NPAS3: variants seen among roughly 807,000 people sequenced by gnomAD.
NPAS3 encodes the protein neuronal PAS domain protein 3.
A neutral mutation model predicts 73.1 loss-of-function variants in NPAS3; 14 were observed. The observed-to-expected ratio is 0.19, with a 90% confidence interval of 0.13 to 0.30. The LOEUF is 0.30. Among genes scored for constraint, NPAS3 ranks in the 10% least tolerant of loss-of-function variants. The pLI is 1.00. For missense variants in NPAS3, 1,096 were observed against 1,250.0 expected (o/e 0.88, Z 1.86); for synonymous variants, 620 against 541.5 (o/e 1.14, Z -2.01).
At chr14:33,693,817 G>A (rs934230458) in intron 6 of NPAS3, among the ~76,000 whole-genome samples, 11 of 152,170 alleles carry the variant, frequency 7.2e-5, no homozygotes, top group Non-Finnish European at 1.5e-4. Context: ...AATTCAAAGT[G>A]AATAACAAAC....
intron 5 of NPAS3, among the ~76,000 whole-genome samples, chr14:33,635,727 C>A (rs185927828): frequency 4.9e-4 from 74 of 152,254 alleles, no homozygotes; most frequent in Non-Finnish European, 8.5e-4. Context: ...CAGAAGCCCA[C>A]CTTCCCTGGA....
At chr14:33,664,177 A>G (rs1262407406) in intron 5 of NPAS3, among the ~76,000 whole-genome samples, 1 of 152,210 alleles carries the variant, frequency 6.6e-6, no homozygotes, top group Non-Finnish European at 1.5e-5. Flanking sequence ...AGATATACAG[A>G]CCACTGGAAC....
rs140149297 is a variant in NPAS3, at chr14:33,226,816, G to A, written c.385+11390G>A. On this transcript the variant is annotated intron_variant, in intron 3 of 11. Transcript: ENST00000356141. ...ATTTCAGTAATGTTTTGTAATTAAA[G>A]CATATTATTTACGTATAATTTTACA... 4.9e-4 allele frequency among the ~76,000 whole-genome samples: 74 copies of A among 152,234 alleles called. No homozygotes were observed. The East Asian group carries it at 0.011, about 23-fold the overall frequency.
chr14:33,177,071 T>TTTTTTTTTA (rs1174345534), intron 2 of NPAS3, among the ~76,000 whole-genome samples: 1 of 138,336 alleles, frequency 7.2e-6, no homozygotes, highest in South Asian at 2.3e-4. Context: ...TGTTTATCTT[T>TTTTTTTTTA]TTATTATTAT....
At chr14:33,201,427 A>G (rs976438264) in intron 2 of NPAS3, among the ~76,000 whole-genome samples, 8 of 152,122 alleles carry the variant, frequency 5.3e-5, no homozygotes, top group African/African-American at 1.7e-4. Flanking sequence ...GCTGTTGAGA[A>G]TCACTGCCGT....
At chr14:33,116,515 T>A (rs1246476193) in intron 2 of NPAS3, among the ~76,000 whole-genome samples, 2 of 152,162 alleles carry the variant, frequency 1.3e-5, no homozygotes, top group Admixed American at 6.6e-5. Flanking sequence ...AAATAACTTA[T>A]AAGACATTAC....
intron 1 of NPAS3, among the ~76,000 whole-genome samples, chr14:32,981,455 T>C (rs1402503335): frequency 6.6e-6 from 1 of 152,234 alleles, no homozygotes; most frequent in Non-Finnish European, 1.5e-5. Context: ...GGTAGCCATT[T>C]AATTATTTTT....
intron 3 of NPAS3, among the ~76,000 whole-genome samples, chr14:33,350,808 T>C (rs1474975553): frequency 2.6e-5 from 4 of 152,220 alleles, no homozygotes; most frequent in African/African-American, 4.8e-5. Context: ...AAGTAATCCG[T>C]ACATACTCAT....
In NPAS3 at chr14:33,521,492, A is replaced by G. The variant is rs539298029; in HGVS notation, c.469-38629A>G. ...AGCGATAGGCTTGATAGAAGTGATG[A>G]TTTGGAGAGATGATCTGCTTTAAAA... On this transcript the variant is annotated intron_variant, in intron 4 of 11. Coordinates refer to ENST00000356141, the Ensembl canonical transcript of NPAS3. Among the ~76,000 whole-genome samples, 9 of 140,606 alleles carry G rather than the reference A, an allele frequency of 6.4e-5. No homozygotes were observed. The East Asian group carries it at 2.1e-3, about 33-fold the overall frequency. The allele number at this position is 140,606 out of a possible 152,430, so 92.2% of individuals were successfully genotyped here.
chr14:33,599,058 A>G (rs1341694655), intron 5 of NPAS3, among the ~76,000 whole-genome samples: 1 of 152,198 alleles, frequency 6.6e-6, no homozygotes, highest in Non-Finnish European at 1.5e-5. Flanking sequence ...GTCTCTTATT[A>G]GGCACATGTT....
intron 2 of NPAS3, among the ~76,000 whole-genome samples, chr14:33,111,871 A>G (rs866797791): frequency 1.6e-5 from 2 of 124,846 alleles, no homozygotes; most frequent in East Asian, 4.9e-4. Context: ...TCCTGTGTCC[A>G]TGTGTTCTCA....
intron 5 of NPAS3, among the ~76,000 whole-genome samples, chr14:33,605,169 T>C (rs1399407461): frequency 6.6e-6 from 1 of 151,984 alleles, no homozygotes; most frequent in East Asian, 1.9e-4. Context: ...ATAAAAACTT[T>C]CAGCTAAGTA....
chr14:33,420,291 G>T (rs1412949249), intron 4 of NPAS3, among the ~76,000 whole-genome samples: 1 of 151,902 alleles, frequency 6.6e-6, no homozygotes, highest in Non-Finnish European at 1.5e-5. Context: ...GTGTAGTATT[G>T]CATTTATGCA....
intron 1 of NPAS3, among the ~76,000 whole-genome samples, chr14:32,953,567 C>A (rs183378928): frequency 1.6e-3 from 240 of 152,198 alleles, no homozygotes; most frequent in Middle Eastern, 6.8e-3. Flanking sequence ...TCTGTTTTCC[C>A]TAAAGATCTA....
chr14:33,380,985 A>C (rs879590415), intron 4 of NPAS3, among the ~76,000 whole-genome samples: 7 of 152,310 alleles, frequency 4.6e-5, no homozygotes, highest in African/African-American at 7.2e-5. Flanking sequence ...AATTGACCTA[A>C]AGAAACAGAA....
At chr14:33,748,185 A>G (rs1027989586) in intron 7 of NPAS3, among the ~76,000 whole-genome samples, 3 of 152,190 alleles carry the variant, frequency 2.0e-5, no homozygotes, top group African/African-American at 7.2e-5. Context: ...TCAGTGTTCT[A>G]CATCTTCCTT....
At chr14:33,644,360 C>A (rs1264214399) in intron 5 of NPAS3, among the ~76,000 whole-genome samples, 3 of 152,286 alleles carry the variant, frequency 2.0e-5, no homozygotes, top group South Asian at 2.1e-4. Flanking sequence ...GGGCACTACA[C>A]ACATTTTGAA....
rs561731154 is a variant in NPAS3, at chr14:33,379,476, G to A, written c.468+12208G>A. Among the ~76,000 whole-genome samples the A allele has an allele frequency of 1.1e-4, 16 of 152,246 alleles. 1 individual carries two copies. Among genetic ancestry groups the A allele is most frequent in the African/African-American group, 3.9e-4 (16 of 41,546 alleles). ...ATCTGCAAATCTTTGCCAGATTACT[G>A]TGTTCTTCTTGGCTTTAGAGTAGCC... On this transcript the variant is annotated intron_variant, in intron 4 of 11. Transcript: ENST00000356141.
intron 5 of NPAS3, among the ~76,000 whole-genome samples, chr14:33,638,539 A>G (rs556239355): frequency 1.3e-5 from 2 of 152,364 alleles, no homozygotes; most frequent in South Asian, 2.1e-4. Context: ...ATGATAAATC[A>G]TATACATTTT....
Sources: gnomAD v4.1 joint callset for allele counts (sites outside exome capture counted in the v4.1 genomes callset) on GRCh38, gnomAD v4.1.1 for gene constraint, MANE v1.5 for transcripts, NCBI Gene and HGNC (gene_info 2026-07-23, HGNC 2026-07-21) for gene names.